KRT40: variants seen among roughly 807,000 people sequenced by gnomAD.
KRT40 encodes keratin, type I cytoskeletal 40.
In KRT40, 47 loss-of-function variants were observed where a neutral mutation model predicts 43.5. The observed-to-expected ratio is 1.08, with a 90% CI of 0.86 to 1.38. KRT40 has a LOEUF of 1.38. Ranked by LOEUF, KRT40 falls within the 40% of genes most tolerant of loss-of-function variation. The pLI is 0.00. For missense variants in KRT40, 573 were observed against 523.6 expected, an observed-to-expected ratio of 1.09 and a Z score of -0.92; for synonymous variants, 212 against 214.0, an observed-to-expected ratio of 0.99 and a Z score of 0.08.
rs1474308833 is a variant in KRT40, at chr17:40,978,903, T to A, written c.1097A>T (p.Glu366Val). Residue 366 changes from glutamate to valine, a missense_variant, in exon 6 of 7, where the codon GAG (glutamate) becomes GTG (valine). Coordinates refer to ENST00000377755, the MANE Select transcript of KRT40 (RefSeq NM_001389244.1). The part of the protein sequence containing the change: ...NQLAEIRCDL[E>V]RQNQEYQVLL... ...CACCTGGTACTCCTGGTTCTGTCGC[T>A]CCAGGTCGCAGCGGATCTCGGCCAG... 1 of 1,613,948 alleles carries A rather than the reference T, an allele frequency of 6.2e-7. No homozygotes were observed. The highest frequency in any genetic ancestry group is 8.5e-7 in the Non-Finnish European group (1 of 1,179,994).
chr17:40,983,833 T>C lies in KRT40; in HGVS notation c.441A>G (p.Gln147=), dbSNP rs745804828. Residue 147 remains glutamine, a synonymous_variant, in exon 1 of 7, where the codon CAA becomes CAG. Transcript: ENST00000377755. ...QRYFNTIEDL[Q]QKILCTKAEN... is the part of the protein sequence containing the mutation. ...AGGGCAACAGGACACAGACCTTTTGTTGGAGATCTTCAATGGTGTTGAAGT... is the reference window on the plus strand; with the variant it reads ...AGGGCAACAGGACACAGACCTTTTGCTGGAGATCTTCAATGGTGTTGAAGT... The C allele has an allele frequency of 3.7e-6, 6 of 1,613,130 alleles. No homozygotes were observed. Among genetic ancestry groups the C allele is most frequent in the South Asian group, 2.2e-5 (2 of 91,064 alleles).
At chr17:40,984,571 A>T (rs557006480), upstream of KRT40, among the ~76,000 whole-genome samples, 19 of 152,340 alleles carry the variant, frequency 1.2e-4, no homozygotes, top group African/African-American at 4.6e-4. Context: ...CATAGGAAGC[A>T]TTGTGCTTTT....
At chr17:40,979,548 C>T (rs1487039252) in intron 5 of KRT40, among the ~76,000 whole-genome samples, 1 of 151,842 alleles carries the variant, frequency 6.6e-6, no homozygotes, top group Admixed American at 6.6e-5. Flanking sequence ...TAGAACAGTG[C>T]CAGCCATACT....
upstream of KRT40, among the ~76,000 whole-genome samples, chr17:40,985,613 G>T (rs1040833286): frequency 2.6e-5 from 4 of 152,122 alleles, no homozygotes; most frequent in Non-Finnish European, 4.4e-5. Flanking sequence ...AACCAAACCA[G>T]AAGAACATAT....
intron 1 of KRT40, among the ~76,000 whole-genome samples, 153 bp from the exon 2 acceptor site, chr17:40,983,281 T>A (rs1912284596): frequency 6.6e-6 from 1 of 152,128 alleles, no homozygotes; most frequent in Non-Finnish European, 1.5e-5. Flanking sequence ...ACCTTGTCAC[T>A]TCATGAAGAA....
At chr17:40,983,687 C>T (rs896622260) in intron 1 of KRT40, 140 bp downstream of exon 1, 13 of 762,678 alleles carry the variant, frequency 1.7e-5, no homozygotes, top group Non-Finnish European at 2.1e-5. Flanking sequence ...ACTTTCAGTC[C>T]GGTGCTCTCC....
At chr17:40,984,999 A>C (rs931949935), upstream of KRT40, among the ~76,000 whole-genome samples, 3 of 152,214 alleles carry the variant, frequency 2.0e-5, no homozygotes, top group Non-Finnish European at 4.4e-5. Context: ...TGATTTCCTG[A>C]AACTTGCCTT....
chr17:40,982,039 C>A (rs1015392141), intron 3 of KRT40, among the ~76,000 whole-genome samples: 2 of 151,710 alleles, frequency 1.3e-5, no homozygotes, highest in African/African-American at 4.8e-5. Flanking sequence ...CCACCATGCC[C>A]AGCTAATTTT....
At chr17:40,981,316 T>C in intron 3 of KRT40, 165 bp from the exon 4 acceptor site, 1 of 1,294,780 alleles carries the variant, frequency 7.7e-7, no homozygotes, top group Non-Finnish European at 1.1e-6. Context: ...AGGGCCTCAG[T>C]TTCTTCGTCT....
chr17:40,982,568 A>G (rs1370648208), intron 2 of KRT40, 105 bp from the exon 3 acceptor site: 20 of 788,528 alleles, frequency 2.5e-5, no homozygotes, highest in Non-Finnish European at 3.5e-5. Context: ...CCATGTGCAT[A>G]ATTTCTCTTA....
chr17:40,986,086 C>T (rs1174137245), upstream of KRT40, among the ~76,000 whole-genome samples: 5 of 152,146 alleles, frequency 3.3e-5, no homozygotes, highest in Admixed American at 6.5e-5. Flanking sequence ...TAGTCTCCAT[C>T]GTAGAATATA....
chr17:40,979,380 T>C (rs977118631), intron 5 of KRT40, among the ~76,000 whole-genome samples: 72 of 151,272 alleles, frequency 4.8e-4, no homozygotes, highest in African/African-American at 1.7e-3. Context: ...CTGGGTACGG[T>C]GGTGGACGCC....
chr17:40,982,054 T>G (rs1374173732), intron 3 of KRT40, among the ~76,000 whole-genome samples: 1 of 151,928 alleles, frequency 6.6e-6, no homozygotes, highest in East Asian at 1.9e-4. Flanking sequence ...AATTTTTGTA[T>G]TTTTAGTAGA....
In KRT40 at chr17:40,980,837, A is replaced by G. The variant is rs757175733; in HGVS notation, c.923T>C (p.Leu308Pro). 6.2e-7 allele frequency: 1 copy of G among 1,613,014 alleles called. No individual in the cohort carries two copies. ...LQGCQMEILELKRTASALEIE... is the reference protein window; with the variant it reads ...LQGCQMEILEPKRTASALEIE... Reference sequence around the variant, plus strand: ...TTCCAGAGCACTGGCTGTGCGTTTCAGTTCCAAGATCTCCATCTGGCAGCC... The same window carrying G: ...TTCCAGAGCACTGGCTGTGCGTTTCGGTTCCAAGATCTCCATCTGGCAGCC... The change falls in exon 5 of 7, where the codon CTG (leucine) becomes CCG (proline). Residue 308 changes from leucine to proline, a missense_variant. Transcript: ENST00000377755.
rs752449914 is a variant in KRT40, at chr17:40,983,815, C to T, written c.447+12G>A. ...TCAGGAAGGTGGAGCACTAGGGCAA[C>T]AGGACACAGACCTTTTGTTGGAGAT... is the stretch of plus-strand genomic sequence containing the variant. On this transcript the variant is annotated intron_variant, in intron 1 of 6. Coordinates refer to ENST00000377755, the MANE Select transcript of KRT40 (RefSeq NM_001389244.1). 2 of 1,610,322 alleles carry T rather than the reference C, an allele frequency of 1.2e-6. No homozygotes were observed. The highest frequency in any genetic ancestry group is 1.7e-5 in the Admixed American group (1 of 59,954).
intron 5 of KRT40, among the ~76,000 whole-genome samples, chr17:40,979,871 T>C (rs1239117005): frequency 6.6e-6 from 1 of 152,176 alleles, no homozygotes; most frequent in Non-Finnish European, 1.5e-5. Context: ...ACACTGTGCA[T>C]TTCAAAATAG....
Position 40,983,676 on chromosome 17 carries a change from G to A in KRT40, c.447+151C>T, listed in dbSNP as rs548048758. 135 of 717,162 alleles carry A rather than the reference G, an allele frequency of 1.9e-4. No individual in the cohort carries two copies. In the South Asian group the frequency reaches 2.1e-3, roughly 11 times the overall value. The allele number at this position is 717,162 out of a possible 1,614,324, so 44.4% of individuals were successfully genotyped here. On this transcript the variant is annotated intron_variant, in intron 1 of 6. Transcript: ENST00000377755. Reference sequence around the variant, plus strand: ...TCTGGGGCTGATGCTGAGGTTTTCTGACTTTCAGTCCGGTGCTCTCCCCTA... The same window carrying A: ...TCTGGGGCTGATGCTGAGGTTTTCTAACTTTCAGTCCGGTGCTCTCCCCTA...
At chr17:40,979,814 G>T (rs1274309781) in intron 5 of KRT40, among the ~76,000 whole-genome samples, 2 of 152,080 alleles carry the variant, frequency 1.3e-5, no homozygotes, top group African/African-American at 4.8e-5. Context: ...GAAAGAATAT[G>T]TTTTCATGTT....
rs898795834 is a variant in KRT40, at chr17:40,978,116, G to A, written c.*81C>T. On this transcript the variant is annotated 3_prime_UTR_variant, in exon 7 of 7. Coordinates refer to ENST00000377755, the MANE Select transcript of KRT40 (RefSeq NM_001389244.1). The stretch of plus-strand genomic sequence containing the variant: ...AGAGCCTCCTGGATTTGTGCTTCCG[G>A]TTTGGATGTCCCTGGTTGAAGCCCC... 5.7e-6 allele frequency: 6 copies of A among 1,050,384 alleles called. No homozygotes were observed. The African/African-American group carries it at 9.5e-5, about 17-fold the overall frequency. 65.1% of individuals were successfully genotyped at this position (1,050,384 alleles called of 1,614,324 possible).
Sources: gnomAD v4.1 joint callset for allele counts (sites outside exome capture counted in the v4.1 genomes callset) on GRCh38, gnomAD v4.1.1 for gene constraint, MANE v1.5 for transcripts, NCBI Gene and HGNC (gene_info 2026-07-23, HGNC 2026-07-21) for gene names.